PTPRT: variants seen among roughly 807,000 people sequenced by gnomAD.
The protein encoded by PTPRT is receptor-type tyrosine-protein phosphatase T.
A neutral mutation model predicts 176.8 loss-of-function variants in PTPRT; 56 were observed. The observed-to-expected ratio is 0.32, with a 90% CI of 0.26 to 0.40. The LOEUF (loss-of-function observed/expected upper bound fraction) is 0.40. Ranked by LOEUF, PTPRT falls within the 10% of genes least tolerant of loss-of-function variation. PTPRT has a pLI of 1.00. For missense variants in PTPRT, 1,540 were observed against 1,908.2 expected, an observed-to-expected ratio of 0.81 and a Z score of 3.60; for synonymous variants, 783 against 739.0, an observed-to-expected ratio of 1.06 and a Z score of -0.96.
At chr20:42,744,971 C>T (rs2076671092) in intron 6 of PTPRT, among the ~76,000 whole-genome samples, 2 of 152,196 alleles carry the variant, frequency 1.3e-5, no homozygotes, top group South Asian at 4.1e-4. Flanking sequence ...GGAAGGGAGG[C>T]ACATGTGCTT....
At chr20:43,059,880 G>A (rs1265883772) in intron 1 of PTPRT, among the ~76,000 whole-genome samples, 1 of 152,074 alleles carries the variant, frequency 6.6e-6, no homozygotes, top group Non-Finnish European at 1.5e-5. Context: ...TCAGGAGGCT[G>A]AGTCATGAGA....
intron 12 of PTPRT, among the ~76,000 whole-genome samples, chr20:42,287,120 T>C (rs1457588605): frequency 6.6e-6 from 1 of 151,980 alleles, no homozygotes; most frequent in African/African-American, 2.4e-5. Context: ...AAGGGAACTC[T>C]TATACATTGT....
intron 1 of PTPRT, among the ~76,000 whole-genome samples, chr20:42,899,315 A>G (rs990965922): frequency 6.6e-6 from 1 of 152,218 alleles, no homozygotes; most frequent in Admixed American, 6.5e-5. Flanking sequence ...TTTTCTCGAC[A>G]CAGAAGGACA....
intron 7 of PTPRT, among the ~76,000 whole-genome samples, chr20:42,514,169 C>G (rs183472294): frequency 6.6e-6 from 1 of 152,234 alleles, no homozygotes; most frequent in Admixed American, 6.5e-5. Flanking sequence ...CTAAAATATA[C>G]GATATATTCA....
In PTPRT at chr20:42,094,741, T is replaced by A. The variant is rs1179825508; in HGVS notation, c.3846+3680A>T. On this transcript the variant is annotated intron_variant, in intron 27 of 30. Transcript: ENST00000373187. ...CCCATCTCTACTAAACATACAAAAATTAGCTGGCTGTGGTGGCTCACCCCT... is the reference window on the plus strand; with the variant it reads ...CCCATCTCTACTAAACATACAAAAAATAGCTGGCTGTGGTGGCTCACCCCT... Among the ~76,000 whole-genome samples the A allele has an allele frequency of 3.9e-5, 6 of 152,168 alleles. No homozygotes were observed. In the South Asian group the frequency reaches 1.0e-3, roughly 26 times the overall value.
rs1418368635 is a variant in PTPRT, at chr20:43,057,283, G to GA, written c.88+132362dup. Reference sequence around the variant, plus strand: ...GGAATGAAGGAAGGAGGAAGGGGGGGAAGGGGAGGGGAGGGGGGAAGGAAT... The same window carrying GA: ...GGAATGAAGGAAGGAGGAAGGGGGGGAAAGGGGAGGGGAGGGGGGAAGGAAT... On this transcript the variant is annotated intron_variant, in intron 1 of 30. Transcript: ENST00000373187. Among the ~76,000 whole-genome samples the GA allele has an allele frequency of 6.6e-3, 720 of 109,866 alleles. 16 individuals carry two copies. The highest frequency in any genetic ancestry group is 0.024 in the African/African-American group (674 of 28,522). 72.1% of individuals were successfully genotyped at this position (109,866 alleles called of 152,430 possible). A position where few individuals can be genotyped will look rare whatever the true frequency, so the allele number is the denominator to read the frequency against.
At chr20:42,938,803 T>C (rs1031304301) in intron 1 of PTPRT, among the ~76,000 whole-genome samples, 1 of 152,238 alleles carries the variant, frequency 6.6e-6, no homozygotes, top group African/African-American at 2.4e-5. Context: ...CAATAGTTCC[T>C]GTGTCTTAAG....
Position 42,350,239 on chromosome 20 carries a change from T to C in PTPRT, c.1865+389A>G, listed in dbSNP as rs74167773. ...GTTTTTTTTTTTTTTTTTTTTTTTTTTTTTTTTGAGACAGGGTCTCACTTT... is the reference window on the plus strand; with the variant it reads ...GTTTTTTTTTTTTTTTTTTTTTTTTCTTTTTTTGAGACAGGGTCTCACTTT... On this transcript the variant is annotated intron_variant, in intron 11 of 30. Transcript: ENST00000373187. Among the ~76,000 whole-genome samples, 879 of 138,460 alleles carry C rather than the reference T, an allele frequency of 6.3e-3. 29 individuals are homozygous for C. The highest frequency in any genetic ancestry group is 0.03 in the East Asian group (132 of 4,400). 90.8% of individuals were successfully genotyped at this position (138,460 alleles called of 152,430 possible). A position where few individuals can be genotyped will look rare whatever the true frequency, so the allele number is the denominator to read the frequency against.
intron 1 of PTPRT, among the ~76,000 whole-genome samples, chr20:42,982,342 A>C (rs1382380076): frequency 6.6e-6 from 1 of 152,178 alleles, no homozygotes; most frequent in Non-Finnish European, 1.5e-5. Flanking sequence ...GGTAGACCTT[A>C]ATAGAGTAAA....
At chr20:43,012,045 C>T (rs1985155576) in intron 1 of PTPRT, among the ~76,000 whole-genome samples, 1 of 152,184 alleles carries the variant, frequency 6.6e-6, no homozygotes, top group Non-Finnish European at 1.5e-5. Context: ...CTGTTGGCTT[C>T]CCTACTTTTG....
At chr20:43,166,418 G>T (rs565702515) in intron 1 of PTPRT, among the ~76,000 whole-genome samples, 1 of 151,166 alleles carries the variant, frequency 6.6e-6, no homozygotes, top group South Asian at 2.1e-4. Context: ...CTGATTGTCT[G>T]TCCACAATTT....
At chr20:42,501,800 A>G (rs1260019928) in intron 7 of PTPRT, among the ~76,000 whole-genome samples, 1 of 152,118 alleles carries the variant, frequency 6.6e-6, no homozygotes, top group Non-Finnish European at 1.5e-5. Context: ...TTGCCATGAT[A>G]TGTTTTAATA....
At position 42,737,138 on chromosome 20, in the gene PTPRT, G is replaced by A. The variant is rs116980127; in HGVS notation, c.859+19324C>T. 3.7e-4 allele frequency among the ~76,000 whole-genome samples: 56 copies of A among 152,284 alleles called. No individual in the cohort carries two copies. The East Asian group carries it at 9.9e-3, about 27-fold the overall frequency. Reference sequence around the variant, plus strand: ...CTTATTTGGAAATAGGGTCTTTGTAGATGTAATCAAGCCAAGATGAAGTCC... The same window carrying A: ...CTTATTTGGAAATAGGGTCTTTGTAAATGTAATCAAGCCAAGATGAAGTCC... On this transcript the variant is annotated intron_variant, in intron 6 of 30. Coordinates refer to ENST00000373187, the MANE Select transcript of PTPRT (RefSeq NM_007050.6).
chr20:42,886,071 A>ATAT, intron 1 of PTPRT, 139 bp from the exon 2 acceptor site: 85 of 395,342 alleles, frequency 2.2e-4, no homozygotes, highest in South Asian at 3.3e-4. Flanking sequence ...ATATATATAT[A>ATAT]AAAGATGAGC....
chr20:42,980,376 C>T (rs778093304), intron 1 of PTPRT, among the ~76,000 whole-genome samples: 5 of 152,170 alleles, frequency 3.3e-5, no homozygotes, highest in Non-Finnish European at 4.4e-5. Context: ...ACCTGTGCAA[C>T]GGGGAAATAG....
Position 42,217,376 on chromosome 20 carries a change from TACACACACACACACACAC to T in PTPRT, c.2343-18006_2343-17989del, listed in dbSNP as rs71335847. ...GGGGATAGAGTGAGACTCTCAAACA[TACACACACACACACACAC>T]ACACACACACACACACACACACACA... On this transcript the variant is annotated intron_variant, in intron 15 of 30. Transcript: ENST00000373187. 8.0e-3 allele frequency among the ~76,000 whole-genome samples: 831 copies of T among 104,372 alleles called. 6 individuals carry two copies. Among genetic ancestry groups the T allele is most frequent in the African/African-American group, 0.032 (797 of 24,922 alleles). The allele number at this position is 104,372 out of a possible 152,430, so 68.5% of individuals were successfully genotyped here.
intron 1 of PTPRT, among the ~76,000 whole-genome samples, chr20:43,004,221 T>G (rs1984736984): frequency 6.8e-6 from 1 of 147,098 alleles, no homozygotes; most frequent in Non-Finnish European, 1.5e-5. Context: ...AAAGAGGGGA[T>G]TATTATCTAC....
At chr20:43,013,682 T>G (rs1385004898) in intron 1 of PTPRT, among the ~76,000 whole-genome samples, 3 of 152,156 alleles carry the variant, frequency 2.0e-5, no homozygotes, top group African/African-American at 7.2e-5. Context: ...AAGGGAGAAC[T>G]ACTGCTGTTA....
At chr20:42,387,878 A>G (rs186054300) in intron 9 of PTPRT, among the ~76,000 whole-genome samples, 70 of 148,580 alleles carry the variant, frequency 4.7e-4, no homozygotes, top group Non-Finnish European at 6.5e-4. Flanking sequence ...TGAAACCCCT[A>G]CCTCCTGGGT....
Sources: gnomAD v4.1 joint callset for allele counts (sites outside exome capture counted in the v4.1 genomes callset) on GRCh38, gnomAD v4.1.1 for gene constraint, MANE v1.5 for transcripts, NCBI Gene and HGNC (gene_info 2026-07-23, HGNC 2026-07-21) for gene names.